Variants in CNTNAP2 observed in about 807,000 individuals in gnomAD.
CNTNAP2 encodes the protein contactin associated protein 2, also known as contactin-associated protein-like 2.
Under a neutral mutation model 155.2 loss-of-function variants are expected in CNTNAP2, and 98 were observed. The ratio of observed to expected loss-of-function variants is 0.63; its 90% CI spans 0.54 to 0.75. The LOEUF is 0.75. Ranked by LOEUF, CNTNAP2 falls within the 30% of genes least tolerant of loss-of-function variation. The pLI is 0.00. For synonymous variants in CNTNAP2, 651 were observed against 631.2 expected (o/e 1.03, Z -0.47); for missense variants, 1,727 against 1,688.1 (o/e 1.02, Z -0.40).
intron 10 of CNTNAP2, among the ~76,000 whole-genome samples, chr7:147,447,359 C>T (rs1797757756): frequency 6.6e-6 from 1 of 152,124 alleles, no homozygotes. Context: ...TAGAAAAACA[C>T]ACCAAAATAT....
chr7:146,513,905 T>C (rs1797504118), intron 1 of CNTNAP2, among the ~76,000 whole-genome samples: 1 of 152,064 alleles, frequency 6.6e-6, no homozygotes, highest in Non-Finnish European at 1.5e-5. Context: ...TTCCGTTTTC[T>C]GGGAAAAGCT....
intron 1 of CNTNAP2, among the ~76,000 whole-genome samples, chr7:146,750,206 A>G (rs764611500): frequency 6.6e-5 from 10 of 152,118 alleles, no homozygotes; most frequent in Non-Finnish European, 1.5e-4. Flanking sequence ...CTATGCTGAT[A>G]TTGCTTGATC....
chr7:147,746,070 G>A (rs1797038062), intron 13 of CNTNAP2, among the ~76,000 whole-genome samples: 1 of 152,176 alleles, frequency 6.6e-6, no homozygotes, highest in South Asian at 2.1e-4. Context: ...AAATATGCAG[G>A]TTCTGTGTGT....
intron 21 of CNTNAP2, among the ~76,000 whole-genome samples, chr7:148,351,691 C>A (rs148152863): frequency 6.9e-6 from 1 of 144,658 alleles, no homozygotes; most frequent in East Asian, 2.1e-4. Flanking sequence ...TGCAGTGAGC[C>A]GAGATCACGC....
intron 21 of CNTNAP2, among the ~76,000 whole-genome samples, chr7:148,270,677 A>G (rs1220736249): frequency 6.6e-6 from 1 of 152,244 alleles, no homozygotes; most frequent in African/African-American, 2.4e-5. Flanking sequence ...TCCTAACAGA[A>G]TCAGTAAGAT....
rs542014608 is a variant in CNTNAP2 at position 147,743,652 on chromosome 7, G to A, written c.2098+104346G>A. Among the ~76,000 whole-genome samples the A allele has an allele frequency of 2.0e-5, 3 of 151,612 alleles. No homozygotes were observed. In the South Asian group the frequency reaches 6.3e-4, roughly 32 times the overall value. ...TTAGGATTTCATCTTCTCCCACTTA[G>A]TTGAGTGCCATTTTCTCCTTCCTGA... On this transcript the variant is annotated intron_variant, in intron 13 of 23. Coordinates refer to ENST00000361727, the MANE Select transcript of CNTNAP2 (RefSeq NM_014141.6).
At chr7:148,412,771 T>C (rs1001930825) in intron 23 of CNTNAP2, among the ~76,000 whole-genome samples, 3 of 152,200 alleles carry the variant, frequency 2.0e-5, no homozygotes, top group African/African-American at 4.8e-5. Context: ...TTGTTCCCTA[T>C]GTTAGGGGAA....
At chr7:146,977,313 C>G (rs1182441864) in intron 3 of CNTNAP2, among the ~76,000 whole-genome samples, 1 of 151,624 alleles carries the variant, frequency 6.6e-6, no homozygotes, top group Non-Finnish European at 1.5e-5. Context: ...ATGAAGGAGA[C>G]ATAAAGATAC....
chr7:148,350,702 G>A (rs17170966), intron 21 of CNTNAP2, among the ~76,000 whole-genome samples: 2 of 152,032 alleles, frequency 1.3e-5, no homozygotes, highest in East Asian at 1.9e-4. Flanking sequence ...TCTTGTAAGC[G>A]TTCTTGTTGC....
At chr7:146,469,647 C>G (rs1490318390) in intron 1 of CNTNAP2, among the ~76,000 whole-genome samples, 2 of 151,068 alleles carry the variant, frequency 1.3e-5, no homozygotes, top group African/African-American at 4.9e-5. Context: ...CTTAGCCTCC[C>G]TAGTAGCTGG....
At chr7:146,463,137 AACTT>A (rs1479098658) in intron 1 of CNTNAP2, among the ~76,000 whole-genome samples, 2 of 152,150 alleles carry the variant, frequency 1.3e-5, no homozygotes, top group Admixed American at 1.3e-4. Flanking sequence ...TGGAAATAAA[AACTT>A]AAGACAGAAA....
At chr7:147,265,261 C>T (rs961557634) in intron 8 of CNTNAP2, among the ~76,000 whole-genome samples, 1 of 152,180 alleles carries the variant, frequency 6.6e-6, no homozygotes. Flanking sequence ...CACAGATAAA[C>T]GTGTGCCATG....
At chr7:147,946,348 A>G (rs1163851462) in intron 14 of CNTNAP2, among the ~76,000 whole-genome samples, 1 of 152,098 alleles carries the variant, frequency 6.6e-6, no homozygotes, top group Non-Finnish European at 1.5e-5. Context: ...CCAAGTGTAT[A>G]AGTGAAAACC....
intron 18 of CNTNAP2, among the ~76,000 whole-genome samples, chr7:148,191,927 T>C (rs1217830161): frequency 6.6e-6 from 1 of 152,050 alleles, no homozygotes; most frequent in Non-Finnish European, 1.5e-5. Context: ...ACAAGGCAAA[T>C]GAAGAAACAA....
chr7:146,181,229 G>C (rs1175975246), intron 1 of CNTNAP2, among the ~76,000 whole-genome samples: 1 of 152,050 alleles, frequency 6.6e-6, no homozygotes, highest in Non-Finnish European at 1.5e-5. Context: ...CATTATTTTA[G>C]TATAAATGAT....
rs150778143 is a variant in CNTNAP2 at position 146,236,213 on chromosome 7, G to A, written c.97+119240G>A. Among the ~76,000 whole-genome samples the A allele has an allele frequency of 5.2e-3, 793 of 151,906 alleles. 6 individuals are homozygous for A. Among genetic ancestry groups the A allele is most frequent in the African/African-American group, 0.018 (750 of 41,456 alleles). ...ATAGAAGTAAGAGTCAAAATGACCA[G>A]GATATTTTCTCTAATACCGCTGTGT... On this transcript the variant is annotated intron_variant, in intron 1 of 23. Coordinates refer to ENST00000361727, the MANE Select transcript of CNTNAP2 (RefSeq NM_014141.6).
chr7:147,146,689 A>T (rs1801711146), intron 8 of CNTNAP2: 1 of 152,272 alleles, frequency 6.6e-6, no homozygotes, highest in African/African-American at 2.4e-5. Context: ...TTTTTATCTA[A>T]ATATAGAAGA....
chr7:147,977,335 G>T (rs1022299154), intron 14 of CNTNAP2, among the ~76,000 whole-genome samples: 1 of 152,184 alleles, frequency 6.6e-6, no homozygotes, highest in African/African-American at 2.4e-5. Context: ...TTGAATACCT[G>T]TTCTGTGCTG....
At chr7:146,690,540 A>T (rs147547918) in intron 1 of CNTNAP2, among the ~76,000 whole-genome samples, 1 of 152,212 alleles carries the variant, frequency 6.6e-6, no homozygotes, top group African/African-American at 2.4e-5. Flanking sequence ...GATTTAAATA[A>T]ATGTTTTGTA....
Sources: gnomAD v4.1 joint callset for allele counts (sites outside exome capture counted in the v4.1 genomes callset) on GRCh38, gnomAD v4.1.1 for gene constraint, MANE v1.5 for transcripts, NCBI Gene and HGNC (gene_info 2026-07-23, HGNC 2026-07-21) for gene names.